PCDHA3: variants seen among roughly 807,000 people sequenced by gnomAD.
PCDHA3 encodes the protein protocadherin alpha 3.
PCDHA3 carries 41 observed loss-of-function variants against 62.2 expected under a neutral mutation model. The observed-to-expected ratio is 0.66, with a 90% confidence interval of 0.51 to 0.86. The LOEUF is 0.86. Ranked by LOEUF, PCDHA3 falls within the 40% of genes least tolerant of loss-of-function variation. The probability of loss-of-function intolerance (pLI) is 0.00; values close to 1 mark genes in which losing one functional copy is unlikely to be tolerated. For missense variants in PCDHA3, 1,304 were observed against 1,241.2 expected, an observed-to-expected ratio of 1.05 and a Z score of -0.76; for synonymous variants, 640 against 555.4, an observed-to-expected ratio of 1.15 and a Z score of -2.14.
At chr5:140,979,054 A>G (rs782082075) in intron 2 of PCDHA3, 47 bp downstream of exon 2, 6 of 1,607,592 alleles carry the variant, frequency 3.7e-6, no homozygotes, top group Non-Finnish European at 4.3e-6. Flanking sequence ...TTAACTTGGT[A>G]TGGCTCAGAT....
In PCDHA3 at chr5:140,982,464, T is replaced by C; in HGVS notation, c.2454-11T>C. 6.2e-7 allele frequency: 1 copy of C among 1,614,112 alleles called. No individual in the cohort carries two copies. Among genetic ancestry groups the C allele is most frequent in the Non-Finnish European group, 8.5e-7 (1 of 1,180,010 alleles). ...GATCTAACCGTTATCTGGGTCTGTG[T>C]GTTTATTCAGCTCTGTGCACCTAGA... On this transcript the variant is annotated splice_polypyrimidine_tract_variant and intron_variant, in intron 2 of 3. Coordinates refer to ENST00000522353, the MANE Select transcript of PCDHA3 (RefSeq NM_018906.3).
intron 1 of PCDHA3, among the ~76,000 whole-genome samples, chr5:140,898,923 T>G (rs2067045385): frequency 6.6e-6 from 1 of 152,144 alleles, no homozygotes; most frequent in South Asian, 2.1e-4. Flanking sequence ...GTAAGTTGGA[T>G]TCCTAAGTAT....
chr5:140,957,327 A>G (rs1554222920), intron 1 of PCDHA3, among the ~76,000 whole-genome samples: 1 of 152,182 alleles, frequency 6.6e-6, no homozygotes, highest in East Asian at 1.9e-4. Context: ...AGCACAGTAC[A>G]GTAAGATATT....
chr5:140,854,118 C>T lies in PCDHA3; in HGVS notation c.2394+50527C>T, dbSNP rs541457983. The T allele has an allele frequency of 1.9e-3, 584 of 313,350 alleles. 14 individuals carry two copies. The highest frequency in any genetic ancestry group is 2.3e-3 in the Non-Finnish European group (544 of 232,056). 19.4% of individuals were successfully genotyped at this position (313,350 alleles called of 1,614,324 possible). A position where few individuals can be genotyped will look rare whatever the true frequency, so the allele number is the denominator to read the frequency against. ...TTGAGGCTGCAGTGAACTGTGATGG[C>T]ACAACTGCATTTCAGCCCGGGTGAC... On this transcript the variant is annotated intron_variant, in intron 1 of 3. Transcript: ENST00000522353.
intron 3 of PCDHA3, among the ~76,000 whole-genome samples, chr5:140,985,060 C>A (rs1377386395): frequency 6.6e-6 from 1 of 152,066 alleles, no homozygotes; most frequent in Admixed American, 6.5e-5. Flanking sequence ...GCCTCAGCCT[C>A]CTGAGTAGCT....
chr5:141,004,745 A>C (rs1282005519), intron 3 of PCDHA3, among the ~76,000 whole-genome samples: 2 of 152,158 alleles, frequency 1.3e-5, no homozygotes, highest in Non-Finnish European at 2.9e-5. Flanking sequence ...CTTTTGTCTC[A>C]GTCTCTTAGA....
At chr5:140,997,833 A>G (rs2097787444) in intron 3 of PCDHA3, among the ~76,000 whole-genome samples, 1 of 152,230 alleles carries the variant, frequency 6.6e-6, no homozygotes. Flanking sequence ...TCTAAACAAT[A>G]CAATATACAT....
intron 1 of PCDHA3, chr5:140,814,561 GTAT>G (rs1554126547): frequency 6.6e-6 from 1 of 151,692 alleles, no homozygotes; most frequent in Non-Finnish European, 1.5e-5. Flanking sequence ...TCTGTATCAA[GTAT>G]TATGTACTGT....
chr5:140,873,225 A>G (rs1476513279), intron 1 of PCDHA3, among the ~76,000 whole-genome samples: 2 of 152,224 alleles, frequency 1.3e-5, no homozygotes, highest in African/African-American at 2.4e-5. Context: ...AGAGAAGGCA[A>G]CAATATAAAA....
intron 1 of PCDHA3, chr5:140,876,201 T>C: frequency 1.9e-6 from 3 of 1,613,952 alleles, no homozygotes; most frequent in Non-Finnish European, 1.7e-6. Flanking sequence ...CGGCGTTTGA[T>C]AAGCCCAGCT....
At chr5:140,822,936 C>T (rs1554128957) in intron 1 of PCDHA3, 1 of 1,614,248 alleles carries the variant, frequency 6.2e-7, no homozygotes, top group Admixed American at 1.7e-5. Flanking sequence ...TGACCTGCTC[C>T]CTAATGCCCC....
In PCDHA3 at chr5:140,850,228, G is replaced by A. The variant is rs199589192; in HGVS notation, c.2394+46637G>A. 517 of 1,593,874 alleles carry A rather than the reference G, an allele frequency of 3.2e-4. 25 individuals are homozygous for A. In the South Asian group the frequency reaches 5.4e-3, roughly 17 times the overall value. On this transcript the variant is annotated intron_variant, in intron 1 of 3. Coordinates refer to ENST00000522353, the MANE Select transcript of PCDHA3 (RefSeq NM_018906.3). ...ATGAGGGGCACTGACGGCGCAGTGA[G>A]CGAGATGGTGCTGCGGTCGGTGGGC...
At position 140,829,457 on chromosome 5, in the gene PCDHA3, G is replaced by A. The variant is rs1362203038; in HGVS notation, c.2394+25866G>A. 5 of 1,613,758 alleles carry A rather than the reference G, an allele frequency of 3.1e-6. No homozygotes were observed. In the Admixed American group the frequency reaches 8.3e-5, roughly 27 times the overall value. On this transcript the variant is annotated intron_variant, in intron 1 of 3. Transcript: ENST00000522353. The stretch of plus-strand genomic sequence containing the variant: ...CATGAATGACAATGCTCCGGCGTTC[G>A]CGCAGCCCGAGTACACAGTGTTCGT...
chr5:140,805,121 T>C, intron 1 of PCDHA3: 1 of 1,585,938 alleles, frequency 6.3e-7, no homozygotes, highest in Non-Finnish European at 8.5e-7. Context: ...ACAAGACTCT[T>C]GGCAAAGACA....
intron 1 of PCDHA3, 79 bp from the exon 2 acceptor site, chr5:140,978,870 G>T: frequency 6.2e-7 from 1 of 1,606,988 alleles, no homozygotes; most frequent in Non-Finnish European, 8.5e-7. Context: ...ATTTAAGGGA[G>T]TAACTAATCA....
At chr5:140,969,178 C>G (rs2096303822) in intron 1 of PCDHA3, 1 of 1,613,978 alleles carries the variant, frequency 6.2e-7, no homozygotes, top group South Asian at 1.1e-5. Flanking sequence ...CAGGGAGTGA[C>G]ACTTTCATGT....
intron 1 of PCDHA3, chr5:140,836,063 C>T (rs2150251706): frequency 6.2e-7 from 1 of 1,613,542 alleles, no homozygotes; most frequent in East Asian, 2.2e-5. Flanking sequence ...ACGAGAACGA[C>T]AACGCGCCGG....
intron 1 of PCDHA3, among the ~76,000 whole-genome samples, chr5:140,976,181 A>G (rs1334452758): frequency 6.6e-6 from 1 of 152,208 alleles, no homozygotes; most frequent in Non-Finnish European, 1.5e-5. Flanking sequence ...ATTGTTTTAA[A>G]TCAATATCCT....
chr5:140,814,753 T>C (rs1765582163), intron 1 of PCDHA3: 1 of 152,232 alleles, frequency 6.6e-6, no homozygotes, highest in East Asian at 1.9e-4. Context: ...ATGGGACTAC[T>C]CTTGTACATG....
Sources: allele counts gnomAD v4.1 joint callset (sites outside exome capture counted in the v4.1 genomes callset), GRCh38; gene constraint gnomAD v4.1.1; transcripts MANE v1.5; gene names NCBI Gene and HGNC (gene_info 2026-07-23, HGNC 2026-07-21).